PDE4C: variants seen among roughly 807,000 people sequenced by gnomAD.
PDE4C encodes the protein 3',5'-cyclic-AMP phosphodiesterase 4C.
In PDE4C, 50 loss-of-function variants were observed where a neutral mutation model predicts 63.9. That is an observed-to-expected ratio of 0.78 (90% CI 0.62 to 0.99). PDE4C has a LOEUF of 0.99. Among genes scored for constraint, PDE4C ranks in the 50% least tolerant of loss-of-function variants. The probability of loss-of-function intolerance (pLI) is 0.00; values close to 1 mark genes in which losing one functional copy is unlikely to be tolerated. For synonymous variants in PDE4C, 377 were observed against 385.1 expected (o/e 0.98, Z 0.25); for missense variants, 777 against 899.1 (o/e 0.86, Z 1.74).
At chr19:18,250,082 G>A, upstream of PDE4C, 2 of 398,728 alleles carry the variant, frequency 5.0e-6, no homozygotes, top group Non-Finnish European at 8.8e-6. Flanking sequence ...CTCCTCCCCA[G>A]GAACCCCAGC....
chr19:18,211,927 C>G (rs954650731), exon 14 of PDE4C: 2 of 1,614,014 alleles, frequency 1.2e-6, no homozygotes, highest in Non-Finnish European at 1.7e-6. Context: ...CACAGTGCAC[C>G]AGGTTCTGCA....
upstream of PDE4C, among the ~76,000 whole-genome samples, chr19:18,230,798 C>T (rs1386318899): frequency 3.9e-5 from 6 of 152,170 alleles, no homozygotes; most frequent in Non-Finnish European, 5.9e-5. Context: ...TCCCTATCAA[C>T]CTGTGCCTTC....
chr19:18,224,014 T>TC (rs375426339), intron 1 of PDE4C, among the ~76,000 whole-genome samples: 102 of 152,178 alleles, frequency 6.7e-4, no homozygotes, highest in African/African-American at 2.3e-3. Context: ...GCTCCCCCAC[T>TC]CCTCCACTTC....
intron 13 of PDE4C, among the ~76,000 whole-genome samples, chr19:18,213,146 C>T (rs1021536961): frequency 2.0e-5 from 3 of 151,092 alleles, no homozygotes; most frequent in Admixed American, 6.6e-5. Flanking sequence ...TAGCTGGGCG[C>T]GGTGCCGGGC....
At chr19:18,238,917 G>A (rs1429598810) in intron 1 of PDE4C, among the ~76,000 whole-genome samples, 1 of 151,942 alleles carries the variant, frequency 6.6e-6, no homozygotes, top group African/African-American at 2.4e-5. Context: ...CTTGAACCCG[G>A]GAGGCGGAGG....
At chr19:18,211,179 T>C in exon 15 of PDE4C, 1 of 1,614,110 alleles carries the variant, frequency 6.2e-7, no homozygotes, top group Non-Finnish European at 8.5e-7. Flanking sequence ...CCACTCTCGA[T>C]TGTCCTCCAG....
At chr19:18,233,418 G>A (rs1265559129) in exon 1 of PDE4C, 2 of 707,988 alleles carry the variant, frequency 2.8e-6, no homozygotes, top group Admixed American at 2.0e-5. Flanking sequence ...GTAGAACAGG[G>A]GAGAAGAACG....
intron 13 of PDE4C, among the ~76,000 whole-genome samples, chr19:18,212,276 C>T (rs559939842): frequency 9.8e-4 from 149 of 151,418 alleles, no homozygotes; most frequent in Non-Finnish European, 1.8e-3. Context: ...CTCTGCCTCC[C>T]AGGCTCAAAT....
rs1968503244 is a variant in PDE4C at position 18,221,985 on chromosome 19, C to G, written c.338+147G>C. The stretch of plus-strand genomic sequence containing the variant: ...AGCAAAAGGCCAAGTTCTCTACACA[C>G]TTGATTGAATATATGAGCTGTCTGG... On this transcript the variant is annotated intron_variant, in intron 2 of 14. Coordinates refer to ENST00000262805, the Ensembl canonical transcript of PDE4C. The G allele has an allele frequency of 3.7e-5, 25 of 684,430 alleles. No individual in the cohort carries two copies. The South Asian group carries it at 5.1e-4, about 14-fold the overall frequency. The allele number at this position is 684,430 out of a possible 1,614,324, so 42.4% of individuals were successfully genotyped here.
intron 1 of PDE4C, among the ~76,000 whole-genome samples, chr19:18,246,071 A>G (rs1177257514): frequency 1.4e-5 from 2 of 141,166 alleles, no homozygotes; most frequent in Non-Finnish European, 3.0e-5. Context: ...AGTGCAGTGC[A>G]GTGGTGTGAT....
At chr19:18,247,484 C>A (rs770020368) in intron 1 of PDE4C, among the ~76,000 whole-genome samples, 7 of 152,136 alleles carry the variant, frequency 4.6e-5, no homozygotes, top group African/African-American at 1.7e-4. Flanking sequence ...CTAGTAGAGA[C>A]GGGGTTTCTC....
chr19:18,252,118 G>A, upstream of PDE4C: 1 of 399,286 alleles, frequency 2.5e-6, no homozygotes, highest in Non-Finnish European at 4.4e-6. Flanking sequence ...TCCGTTCCGG[G>A]GCTGTGGGAA....
chr19:18,211,955 G>A lies in PDE4C; in HGVS notation c.1513-14C>T, dbSNP rs752645696. On this transcript the variant is annotated splice_polypyrimidine_tract_variant and intron_variant, in intron 13 of 14. Transcript: ENST00000262805. The stretch of plus-strand genomic sequence containing the variant: ...GTTCTGCAAGACCTACAGAGATCGA[G>A]GCTTGGGAGGGCACTGGCGGGGCCC... 6.2e-7 allele frequency: 1 copy of A among 1,608,948 alleles called. No homozygotes were observed.
chr19:18,254,173 C>T, the PDE4C span, among the ~76,000 whole-genome samples: 1 of 152,238 alleles, frequency 6.6e-6, no homozygotes, highest in Admixed American at 6.5e-5. Flanking sequence ...AGCAGAGGGT[C>T]TGGCCTGAGG....
chr19:18,213,595 C>G (rs1353806865), intron 12 of PDE4C, 105 bp from the exon 13 acceptor site: 1 of 1,201,496 alleles, frequency 8.3e-7, no homozygotes, highest in Non-Finnish European at 1.1e-6. Context: ...CCCTCTGGGC[C>G]TCAGCATACT....
At chr19:18,211,875 G>T in exon 14 of PDE4C, 1 of 1,614,256 alleles carries the variant, frequency 6.2e-7, no homozygotes, top group Non-Finnish European at 8.5e-7. Flanking sequence ...TCCGTCCACT[G>T]GCGGTACAGG....
chr19:18,237,543 T>C (rs1216305167), upstream of PDE4C, among the ~76,000 whole-genome samples: 1 of 149,688 alleles, frequency 6.7e-6, no homozygotes, highest in Non-Finnish European at 1.5e-5. Flanking sequence ...AAGAGTGAAA[T>C]TCCATCTCAA....
At chr19:18,248,165 A>G (rs2148076727) in intron 1 of PDE4C, 2 of 456,242 alleles carry the variant, frequency 4.4e-6, no homozygotes, top group Non-Finnish European at 8.8e-6. Flanking sequence ...CATGTCTGGC[A>G]CTTACCACCA....
At chr19:18,228,617 AC>A (rs1968790060), upstream of PDE4C, among the ~76,000 whole-genome samples, 1 of 152,218 alleles carries the variant, frequency 6.6e-6, no homozygotes, top group African/African-American at 2.4e-5. Flanking sequence ...CAATAGGTTT[AC>A]TATTAATGTT....
Sources: allele counts gnomAD v4.1 joint callset (sites outside exome capture counted in the v4.1 genomes callset), GRCh38; gene constraint gnomAD v4.1.1; transcripts MANE v1.5; gene names NCBI Gene and HGNC (gene_info 2026-07-23, HGNC 2026-07-21).